The following PCDH9 variants were observed in gnomAD, a reference collection of about 807,000 sequenced individuals.
The protein encoded by PCDH9 is protocadherin 9, also known as protocadherin-9.
In PCDH9, 24 loss-of-function variants were observed where a neutral mutation model predicts 70.6. The observed-to-expected ratio is 0.34, with a 90% CI of 0.25 to 0.48. The LOEUF (loss-of-function observed/expected upper bound fraction) is 0.48, where lower values mean the gene tolerates loss of function less well. PCDH9 is among the 20% of genes least tolerant of loss of function. The pLI is 0.99. For synonymous variants in PCDH9, 562 were observed against 558.5 expected, an observed-to-expected ratio of 1.01 and a Z score of -0.09; for missense variants, 1,281 against 1,503.6, an observed-to-expected ratio of 0.85 and a Z score of 2.45.
intron 2 of PCDH9, among the ~76,000 whole-genome samples, chr13:67,013,078 T>C (rs2084484646): frequency 6.6e-6 from 1 of 151,978 alleles, no homozygotes; most frequent in Non-Finnish European, 1.5e-5. Context: ...TAGTCTTTTT[T>C]ATTAATAACA....
chr13:66,571,544 A>G lies in PCDH9; in HGVS notation c.3340+59666T>C, dbSNP rs564367776. The stretch of plus-strand genomic sequence containing the variant: ...TTCTTTTTTTTTTAACATTGTTGCC[A>G]TGAGAAATAATTGTCCTTTTCTGCT... On this transcript the variant is annotated intron_variant, in intron 4 of 4. Transcript: ENST00000377865. 4.6e-5 allele frequency among the ~76,000 whole-genome samples: 7 copies of G among 152,108 alleles called. No homozygotes were observed. The South Asian group carries it at 1.5e-3, about 32-fold the overall frequency.
At chr13:67,065,390 C>G (rs557772035) in intron 2 of PCDH9, among the ~76,000 whole-genome samples, 42 of 152,186 alleles carry the variant, frequency 2.8e-4, no homozygotes, top group Admixed American at 2.3e-3. Context: ...TGCAATTATT[C>G]TTTCCCAACT....
intron 4 of PCDH9, among the ~76,000 whole-genome samples, chr13:66,330,205 T>C (rs1040235347): frequency 6.6e-6 from 1 of 152,242 alleles, no homozygotes; most frequent in Non-Finnish European, 1.5e-5. Context: ...TTTTCTTTGC[T>C]CTTTAAAATC....
At chr13:66,787,991 A>G (rs1184391134) in intron 3 of PCDH9, among the ~76,000 whole-genome samples, 1 of 152,202 alleles carries the variant, frequency 6.6e-6, no homozygotes, top group Non-Finnish European at 1.5e-5. Flanking sequence ...AAGAGGGAAC[A>G]GTGTAGGCAC....
intron 4 of PCDH9, among the ~76,000 whole-genome samples, chr13:66,421,128 G>GAA (rs561862543): frequency 1.4e-5 from 2 of 145,116 alleles, no homozygotes; most frequent in Non-Finnish European, 3.0e-5. Context: ...CAAGATTAGA[G>GAA]AAAAAAAAAA....
chr13:66,693,893 G>A (rs1050856500), intron 3 of PCDH9, among the ~76,000 whole-genome samples: 4 of 152,176 alleles, frequency 2.6e-5, no homozygotes, highest in African/African-American at 9.6e-5. Context: ...AGAAGAGAGA[G>A]TAGAATATAT....
At chr13:66,502,927 A>T (rs1959184462) in intron 4 of PCDH9, among the ~76,000 whole-genome samples, 1 of 152,230 alleles carries the variant, frequency 6.6e-6, no homozygotes, top group South Asian at 2.1e-4. Flanking sequence ...TTAAGTCTGC[A>T]AAGAATACTG....
intron 4 of PCDH9, among the ~76,000 whole-genome samples, chr13:66,325,776 A>G (rs1955832264): frequency 6.6e-6 from 1 of 150,934 alleles, no homozygotes. Context: ...TCTGGTTGCT[A>G]TTAGTGAATA....
chr13:66,981,148 T>C (rs998059059), intron 2 of PCDH9, among the ~76,000 whole-genome samples: 11 of 151,964 alleles, frequency 7.2e-5, no homozygotes, highest in African/African-American at 2.7e-4. Flanking sequence ...CATGAAATAG[T>C]AAAAGGTAGG....
chr13:66,956,975 C>T (rs1032519962), intron 2 of PCDH9, among the ~76,000 whole-genome samples: 7 of 152,086 alleles, frequency 4.6e-5, no homozygotes, highest in Non-Finnish European at 8.8e-5. Flanking sequence ...ACTGAATTTT[C>T]TATATTTTCA....
chr13:66,842,264 A>T (rs752995245), intron 3 of PCDH9, among the ~76,000 whole-genome samples: 3 of 152,220 alleles, frequency 2.0e-5, no homozygotes, highest in Non-Finnish European at 4.4e-5. Context: ...CTGCTACAAA[A>T]TAATTTACCT....
chr13:66,828,427 C>T (rs759059381), intron 3 of PCDH9, among the ~76,000 whole-genome samples: 20 of 151,984 alleles, frequency 1.3e-4, no homozygotes, highest in Admixed American at 2.0e-4. Context: ...CTAGATTTAC[C>T]CCCACTTATC....
chr13:66,327,539 T>C (rs1955869254), intron 4 of PCDH9, among the ~76,000 whole-genome samples: 1 of 152,054 alleles, frequency 6.6e-6, no homozygotes, highest in South Asian at 2.1e-4. Context: ...AACCTAGGAG[T>C]AACAAAAATA....
intron 2 of PCDH9, among the ~76,000 whole-genome samples, chr13:67,032,583 G>T (rs2084929740): frequency 6.6e-6 from 1 of 152,076 alleles, no homozygotes. Context: ...TACCTCCCTT[G>T]TTCTAAGGTG....
At chr13:67,033,501 A>G (rs933080597) in intron 2 of PCDH9, among the ~76,000 whole-genome samples, 2 of 152,154 alleles carry the variant, frequency 1.3e-5, no homozygotes, top group African/African-American at 4.8e-5. Flanking sequence ...GTGAGCAAAT[A>G]GATGTTGGGG....
At chr13:66,954,429 G>A (rs1437439137) in intron 2 of PCDH9, among the ~76,000 whole-genome samples, 4 of 152,164 alleles carry the variant, frequency 2.6e-5, no homozygotes, top group Admixed American at 2.0e-4. Context: ...CCATGGCTCT[G>A]CACTTACTGC....
intron 3 of PCDH9, among the ~76,000 whole-genome samples, chr13:66,795,702 A>G (rs144457100): frequency 3.2e-4 from 48 of 152,276 alleles, no homozygotes; most frequent in African/African-American, 1.1e-3. Context: ...TCAAACTAAT[A>G]AAAATGTTTT....
chr13:66,896,922 CA>C (rs2082189800), intron 3 of PCDH9, among the ~76,000 whole-genome samples: 1 of 152,100 alleles, frequency 6.6e-6, no homozygotes, highest in Non-Finnish European at 1.5e-5. Context: ...CAACACACAC[CA>C]ACACATCACT....
At chr13:67,071,595 C>A (rs1471137813) in intron 2 of PCDH9, among the ~76,000 whole-genome samples, 1 of 151,826 alleles carries the variant, frequency 6.6e-6, no homozygotes, top group Non-Finnish European at 1.5e-5. Flanking sequence ...TTATTCAATA[C>A]TAAGAGAATG....
Sources: allele counts gnomAD v4.1 joint callset (sites outside exome capture counted in the v4.1 genomes callset), GRCh38; gene constraint gnomAD v4.1.1; transcripts MANE v1.5; gene names NCBI Gene and HGNC (gene_info 2026-07-23, HGNC 2026-07-21).